The following PAPPA variants were observed in gnomAD, a reference collection of about 807,000 sequenced individuals.
PAPPA encodes pappalysin-1.
Under a neutral mutation model 164.0 loss-of-function variants are expected in PAPPA, and 60 were observed. The observed-to-expected ratio is 0.37, with a 90% confidence interval of 0.30 to 0.45. The LOEUF (loss-of-function observed/expected upper bound fraction) is 0.45. PAPPA is among the 20% of genes least tolerant of loss of function. PAPPA has a pLI of 1.00. For missense variants in PAPPA, 1,782 were observed against 2,087.3 expected (o/e 0.85, Z 2.85); for synonymous variants, 875 against 814.1 (o/e 1.07, Z -1.27).
intron 6 of PAPPA, among the ~76,000 whole-genome samples, chr9:116,231,006 T>C (rs1224472614): frequency 6.6e-6 from 1 of 152,054 alleles, no homozygotes; most frequent in African/African-American, 2.4e-5. Context: ...TCAGGTGTGC[T>C]TAACTATTCA....
chr9:116,364,416 G>C (rs745888832), intron 18 of PAPPA, among the ~76,000 whole-genome samples: 1 of 152,104 alleles, frequency 6.6e-6, no homozygotes, highest in Non-Finnish European at 1.5e-5. Context: ...ATGCTGAAAT[G>C]CTTCATAAAC....
chr9:116,178,062 A>G (rs1164820730), intron 1 of PAPPA, among the ~76,000 whole-genome samples: 1 of 152,152 alleles, frequency 6.6e-6, no homozygotes, highest in African/African-American at 2.4e-5. Context: ...GGGGGAAATA[A>G]TCCCAATTCT....
In PAPPA at chr9:116,220,020, C is replaced by A; in HGVS notation, c.2002C>A (p.Pro668Thr). The change falls in exon 5 of 22, where the codon CCC becomes ACC. Residue 668 changes from proline (P) to threonine (T), a missense_variant. Physicochemically the swap from Pro to Thr is conservative, Grantham distance 38. This residue lies in a region of PAPPA where 1,324 missense variants were observed against 1,656.9 expected (regional missense o/e 0.80). Coordinates refer to ENST00000328252, the MANE Select transcript of PAPPA (RefSeq NM_002581.5). ...GGACCTGGTCTACCAGGGCTGGCAG[C>A]CCTCCAGGAAACCAGCGCCTGTTGC... ...YLDLVYQGWQ[P>T]SRKPAPVALA... is the part of the protein sequence containing the mutation. 1.2e-6 allele frequency: 2 copies of A among 1,614,104 alleles called. No individual in the cohort carries two copies. The highest frequency in any genetic ancestry group is 1.1e-5 in the South Asian group (1 of 91,082).
chr9:116,372,655 C>A (rs1588025050), intron 19 of PAPPA, among the ~76,000 whole-genome samples: 1 of 152,028 alleles, frequency 6.6e-6, no homozygotes, highest in Non-Finnish European at 1.5e-5. Flanking sequence ...TCCCTATCCT[C>A]AGAACCTTAT....
At chr9:116,178,346 G>A (rs553862654) in intron 1 of PAPPA, among the ~76,000 whole-genome samples, 1 of 152,196 alleles carries the variant, frequency 6.6e-6, no homozygotes, top group East Asian at 1.9e-4. Flanking sequence ...GACCTCAGGT[G>A]ATCTGCCCAC....
chr9:116,395,727 T>TA (rs938423221), intron 21 of PAPPA, among the ~76,000 whole-genome samples: 160 of 152,306 alleles, frequency 1.1e-3, no homozygotes, highest in African/African-American at 3.8e-3. Context: ...GTTCGTATGC[T>TA]AAAATCTGCT....
At position 116,347,339 on chromosome 9, in the gene PAPPA, C is replaced by T; in HGVS notation, c.3964+130C>T. ...GTTTTATCTATGCTCCTGACTTCTT[C>T]CTACTAATTGTATTTATGTAAACTG... is the stretch of plus-strand genomic sequence containing the variant. On this transcript the variant is annotated intron_variant, in intron 15 of 21. Transcript: ENST00000328252. The surrounding 1 kb of genome is among the most constrained non-coding windows in gnomAD (Gnocchi z 4.5). 1.4e-6 allele frequency: 1 copy of T among 691,450 alleles called. No homozygotes were observed. Among genetic ancestry groups the T allele is most frequent in the Non-Finnish European group, 2.4e-6 (1 of 422,630 alleles). The allele number at this position is 691,450 out of a possible 1,614,324, so 42.8% of individuals were successfully genotyped here.
chr9:116,244,152 T>A (rs1162303981), intron 7 of PAPPA, among the ~76,000 whole-genome samples: 1 of 152,118 alleles, frequency 6.6e-6, no homozygotes. Context: ...AATCAACTGA[T>A]CTCCAGGGTC....
chr9:116,398,879 C>G lies in PAPPA; in HGVS notation c.*2263C>G, dbSNP rs556404113. 51 of 361,798 alleles carry G rather than the reference C, an allele frequency of 1.4e-4. No homozygotes were observed. Among genetic ancestry groups the G allele is most frequent in the African/African-American group, 1.0e-3 (47 of 46,938 alleles). The allele number at this position is 361,798 out of a possible 1,614,324, so 22.4% of individuals were successfully genotyped here. A position where few individuals can be genotyped will look rare whatever the true frequency, so the allele number is the denominator to read the frequency against. On this transcript the variant is annotated 3_prime_UTR_variant, in exon 22 of 22. Transcript: ENST00000328252. ...TAGAAGAATTGATCCTATTTTGAAC[C>G]CCTCTCCAGTATCTTCACACTCTTG...
chr9:116,155,565 G>A (rs1843592203), intron 1 of PAPPA, among the ~76,000 whole-genome samples: 1 of 152,214 alleles, frequency 6.6e-6, no homozygotes, highest in Non-Finnish European at 1.5e-5. Context: ...CATGTCCTGG[G>A]ACGTCTTAAA....
intron 10 of PAPPA, among the ~76,000 whole-genome samples, chr9:116,323,969 A>G (rs907544022): frequency 2.6e-5 from 4 of 152,114 alleles, no homozygotes; most frequent in African/African-American, 4.8e-5. Flanking sequence ...GGCTCTTTCT[A>G]CTGTATCACT....
intron 2 of PAPPA, among the ~76,000 whole-genome samples, chr9:116,200,329 T>G (rs1371430627): frequency 6.6e-6 from 1 of 152,200 alleles, no homozygotes; most frequent in African/African-American, 2.4e-5. Flanking sequence ...TCTCATTATA[T>G]TTAACACCCA....
chr9:116,265,954 A>C lies in PAPPA; in HGVS notation c.2830A>C (p.Ser944Arg), dbSNP rs117124330. 25,305 of 1,612,414 alleles carry C rather than the reference A, an allele frequency of 0.016. 271 individuals carry two copies. The highest frequency in any genetic ancestry group is 0.029 in the Middle Eastern group (173 of 6,056). The change falls in exon 8 of 22, where the codon AGT (serine) becomes CGT (arginine). Residue 944 changes from serine to arginine, a missense_variant. Physicochemically the swap from Ser to Arg is moderately radical, Grantham distance 110. Transcript: ENST00000328252. ...PSPAVTYIHG[S>R]GYCGDGIIQK... The stretch of plus-strand genomic sequence containing the variant: ...ACCTGCTGTCACATACATCCATGGA[A>C]GTGGGTACTGTGGCGATGGCATTAT...
At chr9:116,372,454 T>A (rs1846588002) in intron 19 of PAPPA, among the ~76,000 whole-genome samples, 1 of 152,176 alleles carries the variant, frequency 6.6e-6, no homozygotes, top group Admixed American at 6.5e-5. Flanking sequence ...AACAAAACAT[T>A]TCTGTGGTTT....
At chr9:116,366,339 C>T (rs761328877) in intron 18 of PAPPA, among the ~76,000 whole-genome samples, 6 of 152,172 alleles carry the variant, frequency 3.9e-5, no homozygotes, top group Non-Finnish European at 7.3e-5. Flanking sequence ...CTGTCTTCAC[C>T]CAAAAGTTCC....
chr9:116,354,531 A>G (rs143652262), intron 17 of PAPPA, among the ~76,000 whole-genome samples: 3 of 152,292 alleles, frequency 2.0e-5, no homozygotes, highest in East Asian at 3.9e-4. Flanking sequence ...GTCGTCTTCA[A>G]TCAGTCTTTA....
intron 9 of PAPPA, among the ~76,000 whole-genome samples, chr9:116,293,893 T>C (rs560527749): frequency 4.2e-4 from 64 of 152,272 alleles, no homozygotes; most frequent in Non-Finnish European, 7.2e-4. Context: ...GAGGTTGCAG[T>C]GAGCCAAGAT....
chr9:116,185,947 A>G (rs950509747), intron 1 of PAPPA, among the ~76,000 whole-genome samples: 2 of 152,120 alleles, frequency 1.3e-5, no homozygotes, highest in African/African-American at 4.8e-5. Flanking sequence ...CAGTGAATCC[A>G]AGGATCTGAT....
rs1844252736 is a variant in PAPPA, at chr9:116,207,584, A to T, written c.1607A>T (p.Glu536Val). The change falls in exon 3 of 22, where the codon GAG (glutamate) becomes GTG (valine). Residue 536 changes from glutamate to valine, a missense_variant. Physicochemically the swap from Glu to Val is moderately radical, Grantham distance 121 (BLOSUM62 -2). This residue lies in a region of PAPPA where 1,324 missense variants were observed against 1,656.9 expected (regional missense o/e 0.80). Transcript: ENST00000328252. ...AGVATWPWDKEALMHLGGIVL... is the reference protein window; with the variant it reads ...AGVATWPWDKVALMHLGGIVL... Reference sequence around the variant, plus strand: ...GTAGCAACTTGGCCATGGGACAAGGAGGCCCTGATGCACTTAGGTGAGTCT... The same window carrying T: ...GTAGCAACTTGGCCATGGGACAAGGTGGCCCTGATGCACTTAGGTGAGTCT... The T allele has an allele frequency of 3.1e-6, 5 of 1,613,530 alleles. No individual in the cohort carries two copies. Among genetic ancestry groups the T allele is most frequent in the Non-Finnish European group, 3.4e-6 (4 of 1,179,628 alleles).
Sources: gnomAD v4.1 joint callset for allele counts (sites outside exome capture counted in the v4.1 genomes callset) on GRCh38, gnomAD v4.1.1 for gene constraint, gnomAD v4.1.1 regional missense constraint, Gnocchi (gnomAD v3.1) non-coding constraint, MANE v1.5 for transcripts, NCBI Gene and HGNC (gene_info 2026-07-23, HGNC 2026-07-21) for gene names.